Variants in LGR6 observed in about 807,000 individuals in gnomAD.
LGR6 encodes the protein leucine-rich repeat-containing G protein-coupled receptor 6.
Under a neutral mutation model 69.4 loss-of-function variants are expected in LGR6, and 45 were observed. The ratio of observed to expected loss-of-function variants is 0.65; its 90% CI spans 0.51 to 0.83. LGR6 has a LOEUF of 0.83. LGR6 is among the 40% of genes least tolerant of loss of function. The pLI is 0.00. For synonymous variants in LGR6, 538 were observed against 555.0 expected, an observed-to-expected ratio of 0.97 and a Z score of 0.43; for missense variants, 1,108 against 1,246.7, an observed-to-expected ratio of 0.89 and a Z score of 1.68.
At position 202,309,096 on chromosome 1, in the gene LGR6, TGGG is replaced by T; in HGVS notation, c.1329_1331del (p.Gly444del). 1 of 1,614,092 alleles carries T rather than the reference TGGG, an allele frequency of 6.2e-7. No individual in the cohort carries two copies. Among genetic ancestry groups the T allele is most frequent in the African/African-American group, 1.3e-5 (1 of 75,052 alleles). On this transcript the variant is annotated inframe_deletion, in exon 15 of 18. Coordinates refer to ENST00000367278, the MANE Select transcript of LGR6 (RefSeq NM_001017403.2). ...TGACCACACTGCCCCTGGCTGGACT[TGGG>T]GGCTTGATGCATCTGAAGCTCAAAG...
intron 4 of LGR6, among the ~76,000 whole-genome samples, chr1:202,273,362 G>A (rs1398083893): frequency 6.6e-6 from 1 of 152,166 alleles, no homozygotes; most frequent in South Asian, 2.1e-4. Flanking sequence ...GAAGGCAGTA[G>A]CAGAGAGCAA....
intron 14 of LGR6, among the ~76,000 whole-genome samples, chr1:202,308,358 G>C (rs1653431702): frequency 6.6e-6 from 1 of 152,158 alleles, no homozygotes; most frequent in African/African-American, 2.4e-5. Context: ...GCAGATTTGT[G>C]GCTCCCCTTG....
intron 4 of LGR6, among the ~76,000 whole-genome samples, chr1:202,273,113 ATC>A (rs947956865): frequency 1.3e-5 from 2 of 152,172 alleles, no homozygotes; most frequent in African/African-American, 4.8e-5. Flanking sequence ...GGGGGGCTTA[ATC>A]TCTCTGTAAA....
chr1:202,198,525 C>T (rs1199562030), intron 1 of LGR6, among the ~76,000 whole-genome samples: 3 of 152,072 alleles, frequency 2.0e-5, no homozygotes, highest in Non-Finnish European at 4.4e-5. Context: ...GGAGGAAGTC[C>T]TGGAGCTAGC....
At chr1:202,213,865 T>C (rs750933634) in intron 1 of LGR6, among the ~76,000 whole-genome samples, 8 of 152,036 alleles carry the variant, frequency 5.3e-5, no homozygotes, top group Non-Finnish European at 7.4e-5. Context: ...AGGATTACAT[T>C]ATAAGGGCAG....
chr1:202,239,062 C>A (rs542515833), intron 4 of LGR6, among the ~76,000 whole-genome samples: 1 of 152,244 alleles, frequency 6.6e-6, no homozygotes, highest in South Asian at 2.1e-4. Context: ...GGGGGCGTCT[C>A]GGTCTGACGT....
intron 1 of LGR6, among the ~76,000 whole-genome samples, chr1:202,219,100 T>C (rs1659976215): frequency 2.6e-5 from 4 of 152,194 alleles, no homozygotes; most frequent in Non-Finnish European, 5.9e-5. Flanking sequence ...TGTTCTTTCC[T>C]CTCTACCCCA....
rs560720815 is a variant in LGR6 at position 202,261,717 on chromosome 1, C to T, written c.429-14589C>T. Among the ~76,000 whole-genome samples the T allele has an allele frequency of 5.9e-5, 9 of 152,326 alleles. No individual in the cohort carries two copies. In the South Asian group the frequency reaches 1.9e-3, roughly 32 times the overall value. On this transcript the variant is annotated intron_variant, in intron 4 of 17. Transcript: ENST00000367278. The stretch of plus-strand genomic sequence containing the variant: ...TCCCACCAACAGTGTAAAAGTATTC[C>T]TCTTTCTCCACATCCTCTCCAACAC...
At chr1:202,195,592 G>A (rs543957273) in intron 1 of LGR6, among the ~76,000 whole-genome samples, 56 of 152,314 alleles carry the variant, frequency 3.7e-4, no homozygotes, top group African/African-American at 1.3e-3. Context: ...GAGCCTGGGC[G>A]CTCAGCATCT....
intron 3 of LGR6, among the ~76,000 whole-genome samples, chr1:202,233,540 G>A (rs1337394903): frequency 1.3e-5 from 2 of 152,154 alleles, no homozygotes; most frequent in East Asian, 1.9e-4. Context: ...TGGGAGGGTA[G>A]AAACACTAAG....
Position 202,310,188 on chromosome 1 carries a change from C to T in LGR6, c.1407-9C>T. Reference sequence around the variant, plus strand: ...GAGGCAGCCAATCAGCCTGCCTCTCCCCCACCAGGATCCTGGAGGTGCCTT... The same window carrying T: ...GAGGCAGCCAATCAGCCTGCCTCTCTCCCACCAGGATCCTGGAGGTGCCTT... On this transcript the variant is annotated splice_polypyrimidine_tract_variant and intron_variant, in intron 15 of 17. Transcript: ENST00000367278. The T allele has an allele frequency of 1.2e-6, 2 of 1,613,308 alleles. No individual in the cohort carries two copies. The highest frequency in any genetic ancestry group is 1.7e-6 in the Non-Finnish European group (2 of 1,179,598).
intron 4 of LGR6, among the ~76,000 whole-genome samples, chr1:202,266,100 C>A (rs1382089797): frequency 8.6e-6 from 1 of 116,156 alleles, no homozygotes; most frequent in South Asian, 3.4e-4. Flanking sequence ...ATAATACTTT[C>A]CAGATTAAAA....
chr1:202,293,589 G>T (rs1015628365), intron 6 of LGR6, among the ~76,000 whole-genome samples: 1 of 151,976 alleles, frequency 6.6e-6, no homozygotes, highest in African/African-American at 2.4e-5. Context: ...AATGTTCATT[G>T]CACTGAGTTG....
chr1:202,243,942 T>TTTGTTG (rs3062624), intron 4 of LGR6, among the ~76,000 whole-genome samples: 3 of 150,456 alleles, frequency 2.0e-5, no homozygotes, highest in South Asian at 2.1e-4. Context: ...ACAAAGTCTT[T>TTTGTTG]TTGTTGTTGT....
chr1:202,279,899 C>A (rs1214808235), intron 5 of LGR6, among the ~76,000 whole-genome samples: 1 of 152,202 alleles, frequency 6.6e-6, no homozygotes, highest in Non-Finnish European at 1.5e-5. Context: ...CCTTAATCTA[C>A]TGTGTCATTT....
At chr1:202,240,101 A>G (rs1662050026) in intron 4 of LGR6, among the ~76,000 whole-genome samples, 1 of 152,094 alleles carries the variant, frequency 6.6e-6, no homozygotes, top group Non-Finnish European at 1.5e-5. Context: ...GGCTGGGCGC[A>G]GTGGCTCACG....
chr1:202,247,898 A>C (rs1571889723), intron 4 of LGR6, among the ~76,000 whole-genome samples: 1 of 152,192 alleles, frequency 6.6e-6, no homozygotes, highest in African/African-American at 2.4e-5. Flanking sequence ...GCAGCCTTCC[A>C]CTGGCCACAC....
intron 4 of LGR6, among the ~76,000 whole-genome samples, chr1:202,253,891 C>T (rs369882463): frequency 3.8e-4 from 55 of 143,718 alleles, no homozygotes; most frequent in Non-Finnish European, 6.4e-4. Flanking sequence ...CTGCAAGCTC[C>T]GCCTCCCGGG....
chr1:202,284,713 A>G (rs1666267619), intron 6 of LGR6, among the ~76,000 whole-genome samples: 1 of 152,102 alleles, frequency 6.6e-6, no homozygotes, highest in Non-Finnish European at 1.5e-5. Flanking sequence ...ATCTTTGAAA[A>G]TCTTCGCAAG....
Sources: allele counts gnomAD v4.1 joint callset (sites outside exome capture counted in the v4.1 genomes callset), GRCh38; gene constraint gnomAD v4.1.1; transcripts MANE v1.5; gene names NCBI Gene and HGNC (gene_info 2026-07-23, HGNC 2026-07-21).